Variants in FBN2 observed in about 807,000 individuals in gnomAD.
FBN2 encodes fibrillin 2, also known as fibrillin-2.
In FBN2, 105 loss-of-function variants were observed where a neutral mutation model predicts 355.6. The ratio of observed to expected loss-of-function variants is 0.30; its 90% CI spans 0.25 to 0.35. FBN2 has a LOEUF of 0.35. Among genes scored for constraint, FBN2 ranks in the 10% least tolerant of loss-of-function variants. FBN2 has a pLI of 1.00. For synonymous variants in FBN2, 1,350 were observed against 1,301.2 expected (o/e 1.04, Z -0.81); for missense variants, 3,280 against 3,758.7 (o/e 0.87, Z 3.33).
intron 5 of FBN2, among the ~76,000 whole-genome samples, chr5:128,476,436 G>GA (rs1239553820): frequency 6.6e-6 from 1 of 151,644 alleles, no homozygotes; most frequent in Non-Finnish European, 1.5e-5. Flanking sequence ...GAACGGCAAA[G>GA]AAAAACCAAA....
intron 12 of FBN2, 130 bp from the exon 13 acceptor site, chr5:128,378,007 AGT>A: frequency 3.6e-6 from 2 of 555,558 alleles, no homozygotes; most frequent in East Asian, 3.7e-5. Context: ...GTCTCTCAGC[AGT>A]TTTTTTTTTT....
intron 22 of FBN2, among the ~76,000 whole-genome samples, 160 bp from the exon 23 acceptor site, chr5:128,349,632 C>T (rs1200720860): frequency 6.6e-6 from 1 of 152,162 alleles, no homozygotes; most frequent in East Asian, 1.9e-4. Flanking sequence ...ACCCGCTTTC[C>T]TAGGTACCAG....
intron 12 of FBN2, among the ~76,000 whole-genome samples, chr5:128,378,260 G>T (rs1024026476): frequency 3.9e-5 from 6 of 152,038 alleles, no homozygotes; most frequent in Admixed American, 2.0e-4. Flanking sequence ...AAAACTGCTG[G>T]AAAGTTGATT....
intron 23 of FBN2, among the ~76,000 whole-genome samples, chr5:128,346,609 C>T (rs565397729): frequency 5.2e-4 from 79 of 151,618 alleles, no homozygotes; most frequent in African/African-American, 1.8e-3. Flanking sequence ...TATTTTTTTT[C>T]TTTCTTTCTT....
In FBN2 at chr5:128,444,198, G is replaced by A. The variant is rs1200938937; in HGVS notation, c.952+2283C>T. Among the ~76,000 whole-genome samples, 12 of 149,676 alleles carry A rather than the reference G, an allele frequency of 8.0e-5. No individual in the cohort carries two copies. The Middle Eastern group carries it at 0.011, about 134-fold the overall frequency. Reference sequence around the variant, plus strand: ...CGCCATTCTCCTGCCTCAGCCTCCCGAGTAGCTGGGACTACAGGCGCCCGC... The same window carrying A: ...CGCCATTCTCCTGCCTCAGCCTCCCAAGTAGCTGGGACTACAGGCGCCCGC... On this transcript the variant is annotated intron_variant, in intron 7 of 64. Coordinates refer to ENST00000262464, the MANE Select transcript of FBN2 (RefSeq NM_001999.4).
intron 5 of FBN2, among the ~76,000 whole-genome samples, chr5:128,493,958 G>A (rs1755580719): frequency 6.6e-6 from 1 of 152,132 alleles, no homozygotes; most frequent in African/African-American, 2.4e-5. Context: ...AAAACCAGGG[G>A]ATGACAGCAG....
chr5:128,323,034 T>C (rs924011689), intron 34 of FBN2, among the ~76,000 whole-genome samples: 5 of 152,188 alleles, frequency 3.3e-5, no homozygotes, highest in African/African-American at 1.2e-4. Context: ...TTTGTAGCAA[T>C]TGTGAATGGG....
At chr5:128,290,703 G>T (rs1749296688) in intron 50 of FBN2, 29 bp downstream of exon 50, 8 of 1,611,596 alleles carry the variant, frequency 5.0e-6, no homozygotes, top group East Asian at 4.5e-5. Flanking sequence ...GGTACACAAA[G>T]TGCTGTCTGA....
chr5:128,289,145 T>C lies in FBN2; in HGVS notation c.6619A>G (p.Thr2207Ala), dbSNP rs775041141. The C allele has an allele frequency of 3.7e-6, 6 of 1,614,142 alleles. No homozygotes were observed. Among genetic ancestry groups the C allele is most frequent in the East Asian group, 4.5e-5 (2 of 44,878 alleles). Reference sequence around the variant, plus strand: ...CACTCACCCACACAGCGTACTCCAGTGTAGTCAAGGTTGTAGCCCATTGGA... The same window carrying C: ...CACTCACCCACACAGCGTACTCCAGCGTAGTCAAGGTTGTAGCCCATTGGA... ...ECPMGYNLDY[T>A]GVRCVDTDEC... is the part of the protein sequence containing the mutation. The change falls in exon 52 of 65, where the codon ACT becomes GCT. Residue 2207 changes from threonine (T) to alanine (A), a missense_variant. Thr to Ala is a moderately conservative substitution (Grantham distance 58). Transcript: ENST00000262464.
intron 19 of FBN2, among the ~76,000 whole-genome samples, chr5:128,358,896 C>G (rs1027518417): frequency 2.6e-5 from 4 of 151,894 alleles, no homozygotes; most frequent in Non-Finnish European, 5.9e-5. Flanking sequence ...TAAACATATG[C>G]GCTGACAACT....
intron 15 of FBN2, among the ~76,000 whole-genome samples, chr5:128,372,127 AGG>A: frequency 6.6e-6 from 1 of 152,244 alleles, no homozygotes. Context: ...ACAACAAAAG[AGG>A]AAAGGAGGAA....
At chr5:128,470,009 G>T (rs1390700946) in intron 5 of FBN2, among the ~76,000 whole-genome samples, 1 of 152,164 alleles carries the variant, frequency 6.6e-6, no homozygotes, top group African/African-American at 2.4e-5. Context: ...CAATGGGTGT[G>T]GATAAAATTC....
chr5:128,479,373 G>C (rs1398137883), intron 5 of FBN2, among the ~76,000 whole-genome samples: 1 of 152,074 alleles, frequency 6.6e-6, no homozygotes, highest in Non-Finnish European at 1.5e-5. Flanking sequence ...ATAGTGACAC[G>C]TGTGTATGCA....
rs749907917 is a variant in FBN2 at position 128,303,071 on chromosome 5, C to T, written c.5819G>A (p.Arg1940Gln). 12 of 1,605,558 alleles carry T rather than the reference C, an allele frequency of 7.5e-6. No homozygotes were observed. The highest frequency in any genetic ancestry group is 3.3e-5 in the South Asian group (3 of 90,914). ...ACAAGTTCCATTTCCACATGGATGC[C>T]GCTCGCACTCATCAACATCTATAAA... ...TMCMDVDECE[R>Q]HPCGNGTCKN... Residue 1940 changes from arginine to glutamine, a missense_variant, in exon 46 of 65, where the codon CGG (arginine) becomes CAG (glutamine). Physicochemically the swap from Arg to Gln is conservative, Grantham distance 43 (BLOSUM62 1). Around this residue, in one of 6 missense-constraint regions of FBN2, gnomAD observed 2,284 missense variants for 2,749.5 expected, o/e 0.83. Coordinates refer to ENST00000262464, the MANE Select transcript of FBN2 (RefSeq NM_001999.4).
intron 8 of FBN2, among the ~76,000 whole-genome samples, chr5:128,397,690 C>T (rs577220432): frequency 2.0e-5 from 3 of 152,150 alleles, no homozygotes; most frequent in Non-Finnish European, 4.4e-5. Context: ...AACACATCAT[C>T]CAGCTCGCAT....
intron 61 of FBN2, 63 bp from the exon 62 acceptor site, chr5:128,272,181 C>T: frequency 6.3e-7 from 1 of 1,580,936 alleles, no homozygotes; most frequent in South Asian, 1.1e-5. Context: ...TAAATGCACT[C>T]CAAACGAAAC....
intron 34 of FBN2, chr5:128,328,180 A>T (rs1259266761): frequency 5.3e-6 from 1 of 189,328 alleles, no homozygotes; most frequent in Non-Finnish European, 1.1e-5. Flanking sequence ...GGAAAGGTGG[A>T]TGATGTCATC....
intron 34 of FBN2, among the ~76,000 whole-genome samples, chr5:128,326,375 T>C (rs17164175): frequency 0.04 from 6,059 of 152,252 alleles, 408 homozygotes; most frequent in African/African-American, 0.14. Context: ...TCAGAAATTA[T>C]AGAAAATGGT....
At chr5:128,374,384 C>T (rs1049472612) in intron 15 of FBN2, among the ~76,000 whole-genome samples, 1 of 151,928 alleles carries the variant, frequency 6.6e-6, no homozygotes, top group East Asian at 1.9e-4. Flanking sequence ...CCTCTCTGTC[C>T]TAACACGAAT....
Sources: allele counts gnomAD v4.1 joint callset (sites outside exome capture counted in the v4.1 genomes callset), GRCh38; gene constraint gnomAD v4.1.1; regional missense constraint gnomAD v4.1.1; transcripts MANE v1.5; gene names NCBI Gene and HGNC (gene_info 2026-07-23, HGNC 2026-07-21).